Variants in C12orf54 observed in about 807,000 individuals in gnomAD.
The protein encoded by C12orf54 is chromosome 12 open reading frame 54.
A neutral mutation model predicts 26.4 loss-of-function variants in C12orf54; 24 were observed. That is an observed-to-expected ratio of 0.91 (90% confidence interval 0.66 to 1.28). C12orf54 has a LOEUF of 1.28. Ranked by LOEUF, C12orf54 falls within the 50% of genes most tolerant of loss-of-function variation. The pLI is 0.00. For missense variants in C12orf54, 154 were observed against 150.9 expected (o/e 1.02, Z -0.11); for synonymous variants, 54 against 47.0 (o/e 1.15, Z -0.61).
At chr12:48,473,537 G>C in the C12orf54 span, 1 of 357,372 alleles carries the variant, frequency 2.8e-6, no homozygotes, top group South Asian at 2.5e-5. Context: ...TGCTGTGGGA[G>C]CAAGAGAGGA....
chr12:48,489,814 C>T (rs1370901698), intron 5 of C12orf54, among the ~76,000 whole-genome samples: 4 of 151,908 alleles, frequency 2.6e-5, no homozygotes, highest in South Asian at 2.1e-4. Flanking sequence ...CTCCGCCTCC[C>T]GAGTTCCAGT....
intron 7 of C12orf54, 107 bp from the exon 8 acceptor site, chr12:48,494,691 G>C (rs1364922598): frequency 1.6e-5 from 19 of 1,212,448 alleles, no homozygotes; most frequent in Non-Finnish European, 2.2e-5. Context: ...GCCCATTCTT[G>C]GGGGAGTGTA....
chr12:48,432,907 T>G, the C12orf54 span, among the ~76,000 whole-genome samples: 1 of 150,682 alleles, frequency 6.6e-6, no homozygotes, highest in Non-Finnish European at 1.5e-5. Context: ...CTTACCCTAA[T>G]TTAAGATAAA....
chr12:48,427,753 G>T, the C12orf54 span, among the ~76,000 whole-genome samples: 4 of 152,042 alleles, frequency 2.6e-5, no homozygotes, highest in African/African-American at 9.7e-5. Flanking sequence ...GACAGCACTA[G>T]ACAGGTCATC....
rs757420551 is a variant in C12orf54, at chr12:48,490,795, T to C, written c.169-17T>C. The C allele has an allele frequency of 8.1e-6, 13 of 1,613,006 alleles. No homozygotes were observed. In the South Asian group the frequency reaches 1.2e-4, roughly 15 times the overall value. On this transcript the variant is annotated splice_polypyrimidine_tract_variant and intron_variant, in intron 5 of 8. Coordinates refer to ENST00000548364, the MANE Select transcript of C12orf54 (RefSeq NM_152319.4). ...CCAGCCCCCATCATCTCTGACTGTA[T>C]TCTCATTATTTTTCAGCTGCAGGAA... is the stretch of plus-strand genomic sequence containing the variant.
chr12:48,460,649 C>G, the C12orf54 span, among the ~76,000 whole-genome samples: 5 of 152,012 alleles, frequency 3.3e-5, no homozygotes, highest in South Asian at 8.3e-4. Context: ...ACAATAATAG[C>G]ACAAAGGCTG....
the C12orf54 span, among the ~76,000 whole-genome samples, chr12:48,437,191 A>T: frequency 6.6e-6 from 1 of 152,244 alleles, no homozygotes; most frequent in East Asian, 1.9e-4. Context: ...TCCTCCCAAG[A>T]CTAAACCAGG....
At chr12:48,490,614 C>A (rs569362407) in intron 5 of C12orf54, among the ~76,000 whole-genome samples, 198 bp from the exon 6 acceptor site, 36 of 152,300 alleles carry the variant, frequency 2.4e-4, no homozygotes, top group South Asian at 1.2e-3. Context: ...TATCACACCA[C>A]TGCTCTCTAG....
chr12:48,478,363 C>T (rs1031615460), upstream of C12orf54, among the ~76,000 whole-genome samples: 5 of 152,204 alleles, frequency 3.3e-5, no homozygotes, highest in African/African-American at 1.2e-4. Context: ...TCTCTCACCA[C>T]TCCTATTCAA....
the C12orf54 span, among the ~76,000 whole-genome samples, chr12:48,439,257 G>A: frequency 6.6e-6 from 1 of 152,188 alleles, no homozygotes; most frequent in Non-Finnish European, 1.5e-5. Flanking sequence ...AACAGGTGCT[G>A]GAGAGGATGT....
the C12orf54 span, among the ~76,000 whole-genome samples, chr12:48,437,708 C>T: frequency 6.6e-6 from 1 of 152,184 alleles, no homozygotes; most frequent in Non-Finnish European, 1.5e-5. Context: ...AACAATGCTT[C>T]ATGCTAAAAA....
the C12orf54 span, among the ~76,000 whole-genome samples, chr12:48,449,198 A>G: frequency 3.3e-5 from 5 of 152,302 alleles, no homozygotes; most frequent in African/African-American, 1.2e-4. Flanking sequence ...CCTTTAAAAT[A>G]TGCTAGACTC....
chr12:48,485,847 C>A (rs530157355), intron 2 of C12orf54, among the ~76,000 whole-genome samples: 1 of 152,068 alleles, frequency 6.6e-6, no homozygotes, highest in Non-Finnish European at 1.5e-5. Context: ...ACAGGTTAGG[C>A]GGGGTGAAGG....
At chr12:48,448,424 A>G in the C12orf54 span, among the ~76,000 whole-genome samples, 1 of 152,204 alleles carries the variant, frequency 6.6e-6, no homozygotes, top group South Asian at 2.1e-4. Flanking sequence ...AAATTTATCC[A>G]GGTTGATATA....
At chr12:48,456,214 C>T in the C12orf54 span, among the ~76,000 whole-genome samples, 18 of 152,184 alleles carry the variant, frequency 1.2e-4, no homozygotes, top group South Asian at 1.0e-3. Context: ...TATATAAAGA[C>T]GAGTAGGAGA....
At chr12:48,460,218 T>TA in the C12orf54 span, among the ~76,000 whole-genome samples, 1 of 152,090 alleles carries the variant, frequency 6.6e-6, no homozygotes. Context: ...TTGGGGGTCA[T>TA]ACAGCCTCTT....
chr12:48,429,962 T>C, the C12orf54 span, among the ~76,000 whole-genome samples: 4 of 151,978 alleles, frequency 2.6e-5, no homozygotes, highest in African/African-American at 9.7e-5. Context: ...GGTACAAAAA[T>C]AGGCACATAG....
the C12orf54 span, among the ~76,000 whole-genome samples, chr12:48,427,071 T>C: frequency 1.3e-5 from 2 of 152,176 alleles, no homozygotes; most frequent in African/African-American, 4.8e-5. Flanking sequence ...TGCCCTTTAT[T>C]TCTTTCTCTT....
At chr12:48,472,627 C>A in the C12orf54 span, 1 of 1,610,988 alleles carries the variant, frequency 6.2e-7, no homozygotes, top group South Asian at 1.1e-5. Flanking sequence ...TGGTTGAATT[C>A]CGCTGGCTCA....
Sources: gnomAD v4.1 joint callset for allele counts (sites outside exome capture counted in the v4.1 genomes callset) on GRCh38, gnomAD v4.1.1 for gene constraint, MANE v1.5 for transcripts, NCBI Gene and HGNC (gene_info 2026-07-23, HGNC 2026-07-21) for gene names.